The following DAPP1 variants were observed in gnomAD, a reference collection of about 807,000 sequenced individuals.
DAPP1 encodes the protein dual adaptor of phosphotyrosine and 3-phosphoinositides 1.
DAPP1 carries 20 observed loss-of-function variants against 41.5 expected under a neutral mutation model. That is an observed-to-expected ratio of 0.48 (90% CI 0.34 to 0.70). The LOEUF (loss-of-function observed/expected upper bound fraction) is 0.70. DAPP1 is among the 30% of genes least tolerant of loss of function. The pLI is 0.01. For missense variants in DAPP1, 233 were observed against 333.4 expected, an observed-to-expected ratio of 0.70 and a Z score of 2.35; for synonymous variants, 113 against 116.2, an observed-to-expected ratio of 0.97 and a Z score of 0.18.
intron 4 of DAPP1, 90 bp downstream of exon 4, chr4:99,853,438 T>C (rs1157157295): frequency 6.8e-7 from 1 of 1,472,268 alleles, no homozygotes; most frequent in Admixed American, 2.5e-5. Flanking sequence ...TTTGTTCACA[T>C]AAAAATTCTA....
At chr4:99,852,048 T>A (rs1264524201) in intron 3 of DAPP1, among the ~76,000 whole-genome samples, 1 of 152,154 alleles carries the variant, frequency 6.6e-6, no homozygotes, top group Non-Finnish European at 1.5e-5. Context: ...CTATTCTCTA[T>A]CCCTTTACCA....
At chr4:99,850,866 A>T (rs1000909484) in intron 3 of DAPP1, among the ~76,000 whole-genome samples, 2 of 152,198 alleles carry the variant, frequency 1.3e-5, no homozygotes, top group African/African-American at 4.8e-5. Context: ...TCTCCCACAA[A>T]CATTTATTTG....
rs1263945305 is a variant in DAPP1, at chr4:99,840,373, G to A, written c.309G>A (p.Lys103=). ...GCTTTAATGAATTCTCATCTTTGAA[G>A]GATTTTGTCAAGCATTTTGCAAATC... ...KFGFNEFSSL[K]DFVKHFANQP... is the part of the protein sequence containing the mutation. Residue 103 remains lysine (K), a synonymous_variant, in exon 3 of 9, where the codon AAG becomes AAA. Coordinates refer to ENST00000512369, the MANE Select transcript of DAPP1 (RefSeq NM_014395.3). 9.9e-6 allele frequency: 16 copies of A among 1,611,068 alleles called. No individual in the cohort carries two copies. Among genetic ancestry groups the A allele is most frequent in the African/African-American group, 2.7e-5 (2 of 74,804 alleles).
At chr4:99,844,049 AGT>A (rs1723582609) in intron 3 of DAPP1, 2 of 152,256 alleles carry the variant, frequency 1.3e-5, no homozygotes, top group African/African-American at 4.8e-5. Context: ...CATTTGTGAT[AGT>A]GTTGCAGGAC....
intron 1 of DAPP1, among the ~76,000 whole-genome samples, chr4:99,831,193 T>G (rs935465276): frequency 6.6e-6 from 1 of 152,252 alleles, no homozygotes; most frequent in Non-Finnish European, 1.5e-5. Flanking sequence ...TAACATTTGG[T>G]GCCTGCAACT....
At chr4:99,841,225 G>A (rs954655817) in intron 3 of DAPP1, among the ~76,000 whole-genome samples, 1 of 152,192 alleles carries the variant, frequency 6.6e-6, no homozygotes, top group African/African-American at 2.4e-5. Context: ...GTACATACGT[G>A]TTTTCTTGGC....
At chr4:99,865,235 C>T (rs1390061336) in intron 7 of DAPP1, 2 of 151,968 alleles carry the variant, frequency 1.3e-5, no homozygotes, top group African/African-American at 4.8e-5. Flanking sequence ...AAGGCTTTTT[C>T]ACAAAAAGAA....
chr4:99,857,735 CATAAA>C (rs1455165348), intron 4 of DAPP1, among the ~76,000 whole-genome samples: 2 of 145,314 alleles, frequency 1.4e-5, no homozygotes, highest in Non-Finnish European at 3.0e-5. Flanking sequence ...CACACACACA[CATAAA>C]ATAATGAGCT....
At chr4:99,844,222 T>G (rs1723589746) in intron 3 of DAPP1, 1 of 152,232 alleles carries the variant, frequency 6.6e-6, no homozygotes, top group Non-Finnish European at 1.5e-5. Context: ...CCCAGCAGTT[T>G]GAATTCTATG....
At chr4:99,866,756 C>CTT in intron 8 of DAPP1, 1 of 456,418 alleles carries the variant, frequency 2.2e-6, no homozygotes. Context: ...TTGATGATTT[C>CTT]TTTTTTTCTA....
At position 99,868,249 on chromosome 4, in the gene DAPP1, T is replaced by A. The variant is rs962078314; in HGVS notation, c.*64T>A. 1.8e-5 allele frequency: 25 copies of A among 1,382,198 alleles called. No individual in the cohort carries two copies. Among genetic ancestry groups the A allele is most frequent in the East Asian group, 2.3e-5 (1 of 43,734 alleles). 85.6% of individuals were successfully genotyped at this position (1,382,198 alleles called of 1,614,324 possible). A position where few individuals can be genotyped will look rare whatever the true frequency, so the allele number is the denominator to read the frequency against. Reference sequence around the variant, plus strand: ...GTGGAATGTTTCCCTGACGCTGTGATCTGCAGCAGGCTTCAAATGAAAACC... The same window carrying A: ...GTGGAATGTTTCCCTGACGCTGTGAACTGCAGCAGGCTTCAAATGAAAACC... On this transcript the variant is annotated 3_prime_UTR_variant, in exon 9 of 9. Coordinates refer to ENST00000512369, the MANE Select transcript of DAPP1 (RefSeq NM_014395.3).
intron 3 of DAPP1, among the ~76,000 whole-genome samples, chr4:99,850,770 T>A (rs1723827417): frequency 6.6e-6 from 1 of 152,220 alleles, no homozygotes; most frequent in Admixed American, 6.5e-5. Context: ...TCAAAATCCA[T>A]GTCCCCAAAG....
intron 4 of DAPP1, among the ~76,000 whole-genome samples, chr4:99,854,916 A>T (rs1253361393): frequency 6.6e-6 from 1 of 152,148 alleles, no homozygotes; most frequent in African/African-American, 2.4e-5. Context: ...TACATGAATC[A>T]TTGCTTGTCC....
chr4:99,867,911 CTT>C (rs1345820205), intron 8 of DAPP1, among the ~76,000 whole-genome samples: 1 of 152,054 alleles, frequency 6.6e-6, no homozygotes, highest in Middle Eastern at 3.2e-3. Context: ...TTAGCAATCA[CTT>C]TACAATATGT....
chr4:99,854,427 A>G (rs1023839279), intron 4 of DAPP1, among the ~76,000 whole-genome samples: 1 of 152,262 alleles, frequency 6.6e-6, no homozygotes, highest in Non-Finnish European at 1.5e-5. Context: ...ACTTGAAGAT[A>G]TTCAGCTACA....
At chr4:99,831,231 G>A (rs1461672912) in intron 1 of DAPP1, among the ~76,000 whole-genome samples, 1 of 152,106 alleles carries the variant, frequency 6.6e-6, no homozygotes, top group Non-Finnish European at 1.5e-5. Context: ...AATATATGTT[G>A]GGATCTATCA....
At chr4:99,862,165 CCTT>C (rs1441841810) in intron 5 of DAPP1, among the ~76,000 whole-genome samples, 1 of 152,116 alleles carries the variant, frequency 6.6e-6, no homozygotes. Context: ...TGTGTCTGCT[CCTT>C]CTCGTTTTAA....
In DAPP1 at chr4:99,843,971, A is replaced by G. The variant is rs368439495; in HGVS notation, c.358+3549A>G. 2.0e-5 allele frequency among the ~76,000 whole-genome samples: 3 copies of G among 152,340 alleles called. No individual in the cohort carries two copies. The East Asian group carries it at 5.8e-4, about 29-fold the overall frequency. On this transcript the variant is annotated intron_variant, in intron 3 of 8. Coordinates refer to ENST00000512369, the MANE Select transcript of DAPP1 (RefSeq NM_014395.3). ...ATTTTAACTTTCAAAGTTTATAAAA[A>G]CATAATTTGAAATGATATTTTGTGT...
intron 3 of DAPP1, chr4:99,844,072 T>G (rs1468619920): frequency 6.6e-6 from 1 of 152,280 alleles, no homozygotes; most frequent in East Asian, 1.9e-4. Flanking sequence ...TTTTCCTTAG[T>G]TCAGCTAAAG....
Sources: allele counts gnomAD v4.1 joint callset (sites outside exome capture counted in the v4.1 genomes callset), GRCh38; gene constraint gnomAD v4.1.1; transcripts MANE v1.5; gene names NCBI Gene and HGNC (gene_info 2026-07-23, HGNC 2026-07-21).